The following LMTK2 variants were observed in gnomAD, a reference collection of about 807,000 sequenced individuals.
LMTK2 encodes the protein serine/threonine-protein kinase LMTK2.
Under a neutral mutation model 127.5 loss-of-function variants are expected in LMTK2, and 37 were observed. The observed-to-expected ratio is 0.29, with a 90% confidence interval of 0.22 to 0.38. LMTK2 has a LOEUF of 0.38. LMTK2 is among the 10% of genes least tolerant of loss of function. The pLI is 1.00. For missense variants in LMTK2, 1,694 were observed against 1,920.3 expected (o/e 0.88, Z 2.20); for synonymous variants, 819 against 810.1 (o/e 1.01, Z -0.19).
In LMTK2 at chr7:98,107,217, C is replaced by T. The variant is rs1796121450; in HGVS notation, c.40C>T (p.Leu14=). The T allele has an allele frequency of 6.8e-7, 1 of 1,465,142 alleles. No homozygotes were observed. The allele number at this position is 1,465,142 out of a possible 1,614,324, so 90.8% of individuals were successfully genotyped here. ...GGCGTTGCGGCGGAGGCTGCTGCTG[C>T]TGCTGCTGGTCCTCCTGATCGCCGG... ...PPALRRRLLL[L]LLVLLIAGSA... The change falls in exon 1 of 14, where the codon CTG becomes TTG. Residue 14 remains leucine, a synonymous_variant. Coordinates refer to ENST00000297293, the MANE Select transcript of LMTK2 (RefSeq NM_014916.4).
At position 98,171,735 on chromosome 7, in the gene LMTK2, C is replaced by T; in HGVS notation, c.791+61C>T. ...GCACCGGCGGGACAGTCCAGAGAGG[C>T]TGCCGAGTTTGTGAAACTTAAGGAG... On this transcript the variant is annotated intron_variant, in intron 7 of 13. Transcript: ENST00000297293. This position sits in a 1 kb window ranked among gnomAD's most constrained non-coding sequence, Gnocchi z 5.1. 6.8e-7 allele frequency: 1 copy of T among 1,479,198 alleles called. No individual in the cohort carries two copies. The highest frequency in any genetic ancestry group is 1.4e-5 in the South Asian group (1 of 72,728). 91.6% of individuals were successfully genotyped at this position (1,479,198 alleles called of 1,614,324 possible).
intron 8 of LMTK2, 146 bp downstream of exon 8, chr7:98,185,281 A>T (rs771241207): frequency 5.1e-6 from 3 of 583,024 alleles, no homozygotes; most frequent in Middle Eastern, 4.7e-4. Flanking sequence ...AATGTGGTCT[A>T]GGCTTCTGGC....
At chr7:98,164,446 C>T (rs908819227) in intron 6 of LMTK2, among the ~76,000 whole-genome samples, 6 of 152,190 alleles carry the variant, frequency 3.9e-5, no homozygotes, top group Non-Finnish European at 8.8e-5. Flanking sequence ...CTTGGAAAAT[C>T]CCTTAACCTC....
chr7:98,113,294 C>A (rs10246861), intron 1 of LMTK2, among the ~76,000 whole-genome samples: 29,320 of 152,054 alleles, frequency 0.19, 3,903 homozygotes, highest in East Asian at 0.43. Context: ...TGCCATGTGA[C>A]GAAGGACATG....
chr7:98,113,028 T>A (rs1185513970), intron 1 of LMTK2, among the ~76,000 whole-genome samples: 2 of 152,092 alleles, frequency 1.3e-5, no homozygotes, highest in East Asian at 3.9e-4. Context: ...GGTGTGTGAC[T>A]ACAGGTGTGT....
intron 3 of LMTK2, among the ~76,000 whole-genome samples, chr7:98,150,263 G>A (rs1377094566): frequency 2.0e-5 from 3 of 149,952 alleles, no homozygotes; most frequent in Non-Finnish European, 3.0e-5. Flanking sequence ...AGCTGAGATC[G>A]CGCCACTGCA....
At chr7:98,140,192 CTGT>C (rs1562902958) in intron 2 of LMTK2, among the ~76,000 whole-genome samples, 34 of 66,790 alleles carry the variant, frequency 5.1e-4, no homozygotes, top group East Asian at 2.3e-3. Flanking sequence ...TTTCTTCTTT[CTGT>C]CTTTGAGATG....
At chr7:98,137,497 G>T in intron 2 of LMTK2, 55 bp downstream of exon 2, 4 of 1,547,744 alleles carry the variant, frequency 2.6e-6, no homozygotes, top group Non-Finnish European at 3.5e-6. Context: ...TTTTTCAATA[G>T]AATAACTGGA....
In LMTK2 at chr7:98,190,397, C is replaced by T. The variant is rs756583781; in HGVS notation, c.999-331C>T. Among the ~76,000 whole-genome samples the T allele has an allele frequency of 4.6e-5, 7 of 152,168 alleles. No homozygotes were observed. In the South Asian group the frequency reaches 1.0e-3, roughly 23 times the overall value. ...AGGACTTTGAGAGCAGCCTGGCCAACGTGGTGAAACCCTATCTCTACTAAA... is the reference window on the plus strand; with the variant it reads ...AGGACTTTGAGAGCAGCCTGGCCAATGTGGTGAAACCCTATCTCTACTAAA... On this transcript the variant is annotated intron_variant, in intron 9 of 13. Coordinates refer to ENST00000297293, the MANE Select transcript of LMTK2 (RefSeq NM_014916.4).
At chr7:98,197,894 G>GT (rs1797651470) in intron 11 of LMTK2, among the ~76,000 whole-genome samples, 1 of 152,072 alleles carries the variant, frequency 6.6e-6, no homozygotes, top group Non-Finnish European at 1.5e-5. Context: ...CTCCACCTAG[G>GT]TTTTTTTGGT....
chr7:98,184,975 A>G (rs771755951), intron 7 of LMTK2, 76 bp from the exon 8 acceptor site: 10 of 1,054,452 alleles, frequency 9.5e-6, no homozygotes, highest in South Asian at 1.4e-5. Flanking sequence ...GAGAAAGCCC[A>G]TTTCTGTGGC....
chr7:98,159,567 C>G (rs1218524256), intron 6 of LMTK2, 142 bp downstream of exon 6: 17 of 655,772 alleles, frequency 2.6e-5, no homozygotes, highest in Non-Finnish European at 4.7e-5. Context: ...CTTTTATTCC[C>G]TTTGGTGATG....
intron 13 of LMTK2, among the ~76,000 whole-genome samples, chr7:98,205,052 C>T (rs569394074): frequency 6.6e-6 from 1 of 152,310 alleles, no homozygotes; most frequent in Admixed American, 6.5e-5. Context: ...CTTTCCCCGT[C>T]ACTAGATTGA....
intron 3 of LMTK2, among the ~76,000 whole-genome samples, chr7:98,144,196 C>T (rs577323916): frequency 3.6e-4 from 54 of 151,854 alleles, no homozygotes; most frequent in Non-Finnish European, 5.6e-4. Flanking sequence ...TTCGGGAGGC[C>T]GAGGCAGGTG....
chr7:98,128,757 A>C (rs1796478924), intron 1 of LMTK2, among the ~76,000 whole-genome samples: 2 of 152,190 alleles, frequency 1.3e-5, no homozygotes, highest in Admixed American at 6.5e-5. Flanking sequence ...CACTGAGTAG[A>C]ATGCACTGAT....
intron 1 of LMTK2, among the ~76,000 whole-genome samples, chr7:98,118,209 G>A (rs1398248113): frequency 6.6e-6 from 1 of 152,158 alleles, no homozygotes; most frequent in Admixed American, 6.5e-5. Context: ...TACCATGTTT[G>A]TGGTACTAAC....
chr7:98,157,636 A>T (rs2116398289), intron 5 of LMTK2, among the ~76,000 whole-genome samples: 1 of 126,780 alleles, frequency 7.9e-6, no homozygotes, highest in Non-Finnish European at 1.6e-5. Flanking sequence ...CACTGCTCCC[A>T]CATTAAAAAA....
At chr7:98,190,577 C>A in intron 9 of LMTK2, 151 bp from the exon 10 acceptor site, 1 of 807,736 alleles carries the variant, frequency 1.2e-6, no homozygotes, top group Non-Finnish European at 2.0e-6. Flanking sequence ...GAGACTCTGT[C>A]TTAAAACAAC....
At chr7:98,187,641 T>C (rs1562918813) in intron 9 of LMTK2, among the ~76,000 whole-genome samples, 1 of 152,106 alleles carries the variant, frequency 6.6e-6, no homozygotes, top group Non-Finnish European at 1.5e-5. Context: ...AGTCTCACTG[T>C]CGCCCAGGCT....
Sources: allele counts gnomAD v4.1 joint callset (sites outside exome capture counted in the v4.1 genomes callset), GRCh38; gene constraint gnomAD v4.1.1; non-coding constraint Gnocchi (gnomAD v3.1); transcripts MANE v1.5; gene names NCBI Gene and HGNC (gene_info 2026-07-23, HGNC 2026-07-21).